ZNF43: variants seen among roughly 807,000 people sequenced by gnomAD.
ZNF43 encodes the protein zinc finger protein 39-like 1 (KOX 27).
In ZNF43, 44 loss-of-function variants were observed where a neutral mutation model predicts 68.4. The ratio of observed to expected loss-of-function variants is 0.64; its 90% CI spans 0.51 to 0.83. ZNF43 has a LOEUF of 0.83. Among genes scored for constraint, ZNF43 ranks in the 40% least tolerant of loss-of-function variants. The probability of loss-of-function intolerance (pLI) is 0.00; values close to 1 mark genes in which losing one functional copy is unlikely to be tolerated. For missense variants in ZNF43, 896 were observed against 933.2 expected, an observed-to-expected ratio of 0.96 and a Z score of 0.52; for synonymous variants, 308 against 307.8, an observed-to-expected ratio of 1.00 and a Z score of -0.01.
Position 21,836,145 on chromosome 19 carries a change from C to A in ZNF43, c.-107G>T. 1 of 1,585,206 alleles carries A rather than the reference C, an allele frequency of 6.3e-7. No individual in the cohort carries two copies. The highest frequency in any genetic ancestry group is 8.6e-7 in the Non-Finnish European group (1 of 1,164,950). On this transcript the variant is annotated 5_prime_UTR_variant, in exon 1 of 4. Coordinates refer to ENST00000354959, the MANE Select transcript of ZNF43 (RefSeq NM_003423.4). ...TCTAGCAGCAGAGGACACAGAAGAA[C>A]GAAGACGAGACGCAGAGCTCCAACT...
chr19:21,826,680 A>T, intron 1 of ZNF43: 1 of 152,310 alleles, frequency 6.6e-6, no homozygotes, highest in Non-Finnish European at 1.5e-5. Context: ...TACTAAAAAT[A>T]GGTAAATTAG....
chr19:21,835,901 T>C, intron 1 of ZNF43, 135 bp downstream of exon 1: 1 of 1,475,954 alleles, frequency 6.8e-7, no homozygotes. Context: ...GCAGCCGCCA[T>C]CTTATGGCTG....
chr19:21,850,313 AGCACTTCGGGAG>A (rs900223491), intron 1 of ZNF43, among the ~76,000 whole-genome samples: 22 of 152,272 alleles, frequency 1.4e-4, no homozygotes, highest in African/African-American at 5.3e-4. Flanking sequence ...CTGTAATCCC[AGCACTTCGGGAG>A]GCCGAAGCAG....
chr19:21,828,120 T>C (rs1044594216), intron 1 of ZNF43, among the ~76,000 whole-genome samples: 2 of 152,222 alleles, frequency 1.3e-5, no homozygotes, highest in African/African-American at 4.8e-5. Flanking sequence ...CTAATATCTA[T>C]TGTAACAATT....
chr19:21,835,028 T>C (rs2038632693), intron 1 of ZNF43, among the ~76,000 whole-genome samples: 1 of 149,632 alleles, frequency 6.7e-6, no homozygotes, highest in Non-Finnish European at 1.5e-5. Flanking sequence ...GGGTGGATCA[T>C]CTGAGCTCAG....
chr19:21,845,924 C>G (rs1355979079), intron 1 of ZNF43, among the ~76,000 whole-genome samples: 2 of 149,702 alleles, frequency 1.3e-5, no homozygotes, highest in African/African-American at 4.9e-5. Context: ...AGGGCCCAGA[C>G]AAGAGAAGAG....
chr19:21,847,827 AATTTCTTTTTT>A (rs1968069938), intron 1 of ZNF43, among the ~76,000 whole-genome samples: 1 of 152,128 alleles, frequency 6.6e-6, no homozygotes. Context: ...AATATGTAAC[AATTTCTTTTTT>A]ATTTTTATTT....
Position 21,809,796 on chromosome 19 carries a change from G to T in ZNF43, c.241C>A (p.His81Asn). 2 of 1,552,494 alleles carry T rather than the reference G, an allele frequency of 1.3e-6. No homozygotes were observed. The highest frequency in any genetic ancestry group is 2.5e-5 in the South Asian group (2 of 81,130). Residue 81 changes from histidine (H) to asparagine (N), a missense_variant, in exon 4 of 4, where the codon CAT (histidine) becomes AAT (asparagine). His to Asn is a moderately conservative substitution (Grantham distance 68). Coordinates refer to ENST00000354959, the MANE Select transcript of ZNF43 (RefSeq NM_003423.4). ...TCTGGCCAAAAGTCTTGGGTAAAAT[G>T]AGAACACATAACTGAAAAAAATAAA... Reference protein sequence around the residue: ...MVAKPPVMCSHFTQDFWPEQH... With the variant: ...MVAKPPVMCSNFTQDFWPEQH...
At chr19:21,823,350 A>G (rs192427863) in intron 1 of ZNF43, among the ~76,000 whole-genome samples, 47 of 152,284 alleles carry the variant, frequency 3.1e-4, no homozygotes, top group African/African-American at 1.0e-3. Context: ...AAACTGCAAA[A>G]ACTCTCATCT....
At chr19:21,830,033 C>T (rs1217828200) in intron 1 of ZNF43, among the ~76,000 whole-genome samples, 1 of 152,074 alleles carries the variant, frequency 6.6e-6, no homozygotes, top group Non-Finnish European at 1.5e-5. Flanking sequence ...GGGCAGATCA[C>T]TTGAGGTCTG....
intron 1 of ZNF43, among the ~76,000 whole-genome samples, chr19:21,821,512 G>A (rs2037844154): frequency 6.6e-6 from 1 of 152,022 alleles, no homozygotes; most frequent in Non-Finnish European, 1.5e-5. Context: ...ATCCTATTCT[G>A]CATAGAGCTA....
exon 1 of ZNF43, chr19:21,852,017 A>G (rs2435041): frequency 0.064 from 93,533 of 1,464,618 alleles, 4,665 homozygotes; most frequent in South Asian, 0.2. Flanking sequence ...CGAGTTGGAG[A>G]ACGCGGAAAA....
At chr19:21,839,934 T>C (rs1262971834), upstream of ZNF43, 2 of 152,120 alleles carry the variant, frequency 1.3e-5, no homozygotes, top group East Asian at 1.9e-4. Flanking sequence ...TGAATGTAGG[T>C]AGAAAAAGAA....
chr19:21,846,631 A>C (rs1967973150), intron 1 of ZNF43, among the ~76,000 whole-genome samples: 1 of 152,180 alleles, frequency 6.6e-6, no homozygotes, highest in African/African-American at 2.4e-5. Context: ...AAATAGAGTA[A>C]CATCACTTTG....
chr19:21,840,753 C>A (rs2145385206), upstream of ZNF43: 1 of 152,272 alleles, frequency 6.6e-6, no homozygotes, highest in Non-Finnish European at 1.5e-5. Context: ...CTCTATACTA[C>A]CTGAGGGCTT....
In ZNF43 at chr19:21,825,438, G is replaced by A. The variant is rs980034985; in HGVS notation, c.4-6217C>T. 3.3e-5 allele frequency among the ~76,000 whole-genome samples: 5 copies of A among 152,274 alleles called. No homozygotes were observed. The South Asian group carries it at 8.3e-4, about 25-fold the overall frequency. The stretch of plus-strand genomic sequence containing the variant: ...AAGAGATAAATACATAGTTCAAAGG[G>A]AGGAGAAAGAAATAATTGTGTTCTC... On this transcript the variant is annotated intron_variant, in intron 1 of 3. Transcript: ENST00000354959.
intron 1 of ZNF43, among the ~76,000 whole-genome samples, chr19:21,830,413 G>A (rs2038369378): frequency 6.6e-6 from 1 of 151,548 alleles, no homozygotes; most frequent in African/African-American, 2.4e-5. Flanking sequence ...AAATAAACAC[G>A]ATTAGAAATG....
rs1384526504 is a variant in ZNF43, at chr19:21,807,587, G to C, written c.*20C>G. The C allele has an allele frequency of 6.6e-7, 1 of 1,511,604 alleles. No homozygotes were observed. Among genetic ancestry groups the C allele is most frequent in the East Asian group, 2.3e-5 (1 of 44,018 alleles). 93.6% of individuals were successfully genotyped at this position (1,511,604 alleles called of 1,614,324 possible). ...CTTTATCACATTCTTTACATTTCTAGAATTTCTCACCAGTATAATTTATTT... is the reference window on the plus strand; with the variant it reads ...CTTTATCACATTCTTTACATTTCTACAATTTCTCACCAGTATAATTTATTT... On this transcript the variant is annotated 3_prime_UTR_variant, in exon 4 of 4. Transcript: ENST00000354959.
rs551412196 is a variant in ZNF43, at chr19:21,822,703, G to A, written c.4-3482C>T. Among the ~76,000 whole-genome samples the A allele has an allele frequency of 4.9e-4, 75 of 151,980 alleles. 1 individual carries two copies. Among genetic ancestry groups the A allele is most frequent in the Non-Finnish European group, 7.3e-5 (5 of 68,032 alleles). On this transcript the variant is annotated intron_variant, in intron 1 of 3. Coordinates refer to ENST00000354959, the MANE Select transcript of ZNF43 (RefSeq NM_003423.4). The stretch of plus-strand genomic sequence containing the variant: ...ACCTGTAGTCCCAGCTACTGGGGAG[G>A]CTGAGGGGGGAGAATGACGTGAACC...
Sources: allele counts gnomAD v4.1 joint callset (sites outside exome capture counted in the v4.1 genomes callset), GRCh38; gene constraint gnomAD v4.1.1; transcripts MANE v1.5; gene names NCBI Gene and HGNC (gene_info 2026-07-23, HGNC 2026-07-21).